Variants in AKR1D1 observed in about 807,000 individuals in gnomAD.
AKR1D1 encodes the protein aldo-keto reductase family 1 member D1, also known as delta(4)-3-ketosteroid 5-beta-reductase.
AKR1D1 carries 32 observed loss-of-function variants against 42.6 expected under a neutral mutation model. That is an observed-to-expected ratio of 0.75 (90% CI 0.57 to 1.01). The LOEUF is 1.01. AKR1D1 is among the 50% of genes least tolerant of loss of function. The pLI is 0.00. For synonymous variants in AKR1D1, 123 were observed against 135.5 expected, an observed-to-expected ratio of 0.91 and a Z score of 0.64; for missense variants, 364 against 402.2, an observed-to-expected ratio of 0.91 and a Z score of 0.81.
chr7:138,098,686 A>C (rs905634969), intron 4 of AKR1D1, among the ~76,000 whole-genome samples: 1 of 152,168 alleles, frequency 6.6e-6, no homozygotes, highest in Non-Finnish European at 1.5e-5. Flanking sequence ...CTCTTTTCCC[A>C]AGATCACAAG....
At position 138,088,628 on chromosome 7, in the gene AKR1D1, G is replaced by T. The variant is rs1182289435; in HGVS notation, c.121G>T (p.Val41Leu). The T allele has an allele frequency of 1.2e-6, 2 of 1,614,046 alleles. No individual in the cohort carries two copies. Among genetic ancestry groups the T allele is most frequent in the Admixed American group, 1.7e-5 (1 of 59,996 alleles). Residue 41 changes from valine (V) to leucine (L), a missense_variant, in exon 2 of 9, where the codon GTG (valine) becomes TTG (leucine). By Grantham distance (32) the Val-to-Leu change is conservative (BLOSUM62 1). Transcript: ENST00000242375. ...CCCTAAGGGAGCCTGTGCAACATCG[G>T]TGAAGGTTGCTATTGACACAGGGTA... ...STPKGACATSVKVAIDTGYRH... is the reference protein window; with the variant it reads ...STPKGACATSLKVAIDTGYRH...
chr7:138,088,817 T>A (rs2166188), intron 2 of AKR1D1, 49 bp downstream of exon 2: 2 of 1,546,334 alleles, frequency 1.3e-6, no homozygotes, highest in African/African-American at 1.4e-5. Flanking sequence ...AAGGTTTCAG[T>A]TGTTCATTTT....
intron 1 of AKR1D1, among the ~76,000 whole-genome samples, chr7:138,086,970 A>G (rs1208292380): frequency 6.6e-6 from 1 of 152,258 alleles, no homozygotes; most frequent in Non-Finnish European, 1.5e-5. Context: ...ACACATTCGT[A>G]TATTTAAATG....
At chr7:138,086,346 C>T (rs1245986017) in intron 1 of AKR1D1, among the ~76,000 whole-genome samples, 1 of 152,202 alleles carries the variant, frequency 6.6e-6, no homozygotes, top group East Asian at 1.9e-4. Flanking sequence ...TCTCATTTTA[C>T]AGGCTTTTTT....
rs575838662 is a variant in AKR1D1 at position 138,116,068 on chromosome 7, C to T, written c.939-552C>T. On this transcript the variant is annotated intron_variant, in intron 8 of 8. Coordinates refer to ENST00000242375, the MANE Select transcript of AKR1D1 (RefSeq NM_005989.4). ...TGGCACATACCTATAATCCCTGCTA[C>T]TTGGGAGGCTGAGGCAGGAGGCTTG... is the stretch of plus-strand genomic sequence containing the variant. Among the ~76,000 whole-genome samples, 3 of 147,824 alleles carry T rather than the reference C, an allele frequency of 2.0e-5. No individual in the cohort carries two copies. The East Asian group carries it at 5.8e-4, about 29-fold the overall frequency.
intron 3 of AKR1D1, among the ~76,000 whole-genome samples, chr7:138,094,101 T>A (rs1046620614): frequency 1.3e-5 from 2 of 152,222 alleles, no homozygotes; most frequent in Admixed American, 1.3e-4. Flanking sequence ...AAGGTAAAAT[T>A]TTAACAGTGA....
At chr7:138,114,593 G>A (rs546523830) in intron 8 of AKR1D1, among the ~76,000 whole-genome samples, 8 of 146,538 alleles carry the variant, frequency 5.5e-5, no homozygotes, top group Admixed American at 2.8e-4. Context: ...CCAGGAGGCA[G>A]AGGTTGCAGT....
chr7:138,089,727 G>A lies in AKR1D1; in HGVS notation c.261+959G>A, dbSNP rs545283348. On this transcript the variant is annotated intron_variant, in intron 2 of 8. Coordinates refer to ENST00000242375, the MANE Select transcript of AKR1D1 (RefSeq NM_005989.4). Reference sequence around the variant, plus strand: ...GGCTGTATGTAATAAAGCATACTTGGGCGAAATATTGGTGTTTACTTACGT... The same window carrying A: ...GGCTGTATGTAATAAAGCATACTTGAGCGAAATATTGGTGTTTACTTACGT... Among the ~76,000 whole-genome samples, 22 of 152,266 alleles carry A rather than the reference G, an allele frequency of 1.4e-4. No homozygotes were observed. The South Asian group carries it at 1.7e-3, about 11-fold the overall frequency.
chr7:138,076,478 C>T lies in AKR1D1; in HGVS notation c.-41C>T. ...TAGGACACCTTTCTAAAAAGACTCC[C>T]TGTGGTGTTCAGAATCACTCCTACA... On this transcript the variant is annotated 5_prime_UTR_variant, in exon 1 of 9. Coordinates refer to ENST00000242375, the MANE Select transcript of AKR1D1 (RefSeq NM_005989.4). The T allele has an allele frequency of 1.3e-6, 2 of 1,540,364 alleles. No individual in the cohort carries two copies. The highest frequency in any genetic ancestry group is 1.8e-6 in the Non-Finnish European group (2 of 1,113,748).
Position 138,091,029 on chromosome 7 carries a change from G to C in AKR1D1, c.262-739G>C, listed in dbSNP as rs543574121. Among the ~76,000 whole-genome samples the C allele has an allele frequency of 2.6e-5, 4 of 152,288 alleles. No homozygotes were observed. The South Asian group carries it at 8.3e-4, about 32-fold the overall frequency. ...CATATTCCTTGCTCATTTTATCAGA[G>C]TGGCATGACAATAAAGTATCACGCT... On this transcript the variant is annotated intron_variant, in intron 2 of 8. Coordinates refer to ENST00000242375, the MANE Select transcript of AKR1D1 (RefSeq NM_005989.4).
chr7:138,087,226 A>G (rs1793947984), intron 1 of AKR1D1, among the ~76,000 whole-genome samples: 1 of 152,208 alleles, frequency 6.6e-6, no homozygotes, highest in African/African-American at 2.4e-5. Flanking sequence ...TATTACTCAC[A>G]TGACAGAAGA....
chr7:138,103,890 G>C (rs1486543222), intron 4 of AKR1D1, among the ~76,000 whole-genome samples: 1 of 152,128 alleles, frequency 6.6e-6, no homozygotes, highest in Non-Finnish European at 1.5e-5. Flanking sequence ...AGCACTTTGG[G>C]AGGCCAAGGT....
intron 2 of AKR1D1, among the ~76,000 whole-genome samples, chr7:138,089,115 A>G (rs1384605127): frequency 6.6e-6 from 1 of 152,114 alleles, no homozygotes; most frequent in Non-Finnish European, 1.5e-5. Flanking sequence ...CGGGAGGCCG[A>G]GGCAGGTGTT....
intron 8 of AKR1D1, among the ~76,000 whole-genome samples, chr7:138,114,315 G>A (rs1481911852): frequency 6.6e-6 from 1 of 152,112 alleles, no homozygotes; most frequent in Non-Finnish European, 1.5e-5. Flanking sequence ...AAAATGTCAA[G>A]TTCAGCTAAC....
chr7:138,097,776 A>C (rs948327151), intron 3 of AKR1D1, 90 bp from the exon 4 acceptor site: 16 of 1,078,258 alleles, frequency 1.5e-5, no homozygotes, highest in Admixed American at 2.0e-5. Context: ...ATTGCTCACA[A>C]TTATGAAGAC....
Position 138,105,299 on chromosome 7 carries a change from C to T in AKR1D1, c.457-8C>T. 1 of 1,614,098 alleles carries T rather than the reference C, an allele frequency of 6.2e-7. No homozygotes were observed. Among genetic ancestry groups the T allele is most frequent in the Non-Finnish European group, 8.5e-7 (1 of 1,179,978 alleles). The stretch of plus-strand genomic sequence containing the variant: ...TTGTTTGTTGACCTGTGGACATTTA[C>T]TCTACAGGCGATGGAAGCTTGCAAA... On this transcript the variant is annotated splice_polypyrimidine_tract_variant and splice_region_variant and intron_variant, in intron 4 of 8. Transcript: ENST00000242375.
intron 8 of AKR1D1, among the ~76,000 whole-genome samples, chr7:138,114,267 A>G (rs1463480795): frequency 6.6e-6 from 1 of 152,212 alleles, no homozygotes; most frequent in African/African-American, 2.4e-5. Context: ...TCTACCTATT[A>G]GCTGACTTCC....
chr7:138,084,117 GT>G (rs1311098033), intron 1 of AKR1D1, among the ~76,000 whole-genome samples: 2 of 151,948 alleles, frequency 1.3e-5, no homozygotes, highest in South Asian at 2.1e-4. Flanking sequence ...CTGTTAGGGA[GT>G]TTTTTTACTT....
chr7:138,091,142 T>G, intron 2 of AKR1D1: 1 of 155,720 alleles, frequency 6.4e-6, no homozygotes, highest in Non-Finnish European at 1.4e-5. Context: ...CACCCGGAAA[T>G]GGGGAAGACT....
Sources: allele counts gnomAD v4.1 joint callset (sites outside exome capture counted in the v4.1 genomes callset), GRCh38; gene constraint gnomAD v4.1.1; transcripts MANE v1.5; gene names NCBI Gene and HGNC (gene_info 2026-07-23, HGNC 2026-07-21).